Variants in CACNA1A observed in about 807,000 individuals in gnomAD.
CACNA1A encodes calcium voltage-gated channel subunit alpha1 A, also known as voltage-dependent P/Q-type calcium channel subunit alpha-1A.
CACNA1A carries 57 observed loss-of-function variants against 262.4 expected under a neutral mutation model. The observed-to-expected ratio is 0.22, with a 90% CI of 0.18 to 0.27. The LOEUF (loss-of-function observed/expected upper bound fraction) is 0.27, where lower values mean the gene tolerates loss of function less well. Among genes scored for constraint, CACNA1A ranks in the 10% least tolerant of loss-of-function variants. The probability of loss-of-function intolerance (pLI) is 1.00; values close to 1 mark genes in which losing one functional copy is unlikely to be tolerated. For synonymous variants in CACNA1A, 1,431 were observed against 1,419.3 expected, an observed-to-expected ratio of 1.01 and a Z score of -0.18; for missense variants, 2,526 against 3,562.8, an observed-to-expected ratio of 0.71 and a Z score of 7.41.
chr19:13,378,654 A>G (rs2059458480), intron 3 of CACNA1A, among the ~76,000 whole-genome samples: 1 of 149,084 alleles, frequency 6.7e-6, no homozygotes, highest in African/African-American at 2.6e-5. Flanking sequence ...ACATTTATTT[A>G]TTTATTTATT....
intron 37 of CACNA1A, 159 bp downstream of exon 37, chr19:13,227,272 A>C: frequency 1.2e-5 from 5 of 413,906 alleles, no homozygotes; most frequent in Non-Finnish European, 9.0e-6. Context: ...TGATCAGTTG[A>C]CTCGAGAAAA....
intron 6 of CACNA1A, among the ~76,000 whole-genome samples, chr19:13,336,626 A>G (rs1038847215): frequency 1.3e-5 from 2 of 148,328 alleles, no homozygotes; most frequent in African/African-American, 2.4e-5. Context: ...AGAGAGAGAG[A>G]GAGAGAGAGA....
chr19:13,211,958 G>C, intron 43 of CACNA1A, 145 bp downstream of exon 43: 1 of 612,610 alleles, frequency 1.6e-6, no homozygotes, highest in Non-Finnish European at 2.9e-6. Flanking sequence ...GGTGGGGCCT[G>C]CAGACTGCTT....
intron 1 of CACNA1A, among the ~76,000 whole-genome samples, chr19:13,504,213 A>C (rs1460109660): frequency 6.6e-6 from 1 of 152,132 alleles, no homozygotes; most frequent in East Asian, 1.9e-4. Context: ...AGAGTAATCA[A>C]GCCACCCCTG....
intron 1 of CACNA1A, among the ~76,000 whole-genome samples, chr19:13,481,127 C>T (rs550340035): frequency 1.3e-5 from 2 of 152,248 alleles, no homozygotes; most frequent in African/African-American, 4.8e-5. Flanking sequence ...TTGATGCAAG[C>T]GAGGTGCCTG....
intron 3 of CACNA1A, among the ~76,000 whole-genome samples, chr19:13,440,052 T>C (rs907385037): frequency 6.6e-6 from 1 of 152,074 alleles, no homozygotes; most frequent in Admixed American, 6.5e-5. Flanking sequence ...CTTGACCTCC[T>C]GGGCTCAAGC....
intron 1 of CACNA1A, among the ~76,000 whole-genome samples, chr19:13,468,929 T>C (rs1415698317): frequency 1.3e-5 from 2 of 152,066 alleles, no homozygotes; most frequent in East Asian, 1.9e-4. Context: ...ATGTCCACCA[T>C]CATGGCCCCC....
At chr19:13,389,895 C>T (rs1298743325) in intron 3 of CACNA1A, among the ~76,000 whole-genome samples, 5 of 152,160 alleles carry the variant, frequency 3.3e-5, no homozygotes, top group Admixed American at 3.3e-4. Context: ...TCACTGCAAC[C>T]TCTGCTTCCC....
At chr19:13,413,947 A>AAAGAAAGAAAGAAAGAAAG (rs2060176578) in intron 3 of CACNA1A, among the ~76,000 whole-genome samples, 2 of 126,452 alleles carry the variant, frequency 1.6e-5, no homozygotes, top group Non-Finnish European at 3.3e-5. Flanking sequence ...AAGAAAGAAA[A>AAAGAAAGAAAGAAAGAAAG]GGAAGGCAAG....
chr19:13,216,657 A>G (rs1444935433), intron 38 of CACNA1A, among the ~76,000 whole-genome samples: 4 of 4,214 alleles, frequency 9.5e-4, no homozygotes, highest in African/African-American at 6.6e-3. Context: ...TTATCTATCT[A>G]TCTATCTATC....
intron 30 of CACNA1A, among the ~76,000 whole-genome samples, chr19:13,251,059 G>C (rs546651406): frequency 6.6e-6 from 1 of 151,720 alleles, no homozygotes; most frequent in African/African-American, 2.4e-5. Flanking sequence ...TTGAACCCAG[G>C]AGGTGGAGGT....
intron 6 of CACNA1A, among the ~76,000 whole-genome samples, chr19:13,342,508 C>G (rs1159922847): frequency 2.0e-5 from 3 of 152,192 alleles, no homozygotes; most frequent in Non-Finnish European, 4.4e-5. Context: ...GGCTCAAAGA[C>G]TTCCACTGCC....
chr19:13,207,096 G>C lies in CACNA1A; in HGVS notation c.*217C>G. 1 of 423,830 alleles carries C rather than the reference G, an allele frequency of 2.4e-6. No homozygotes were observed. Among genetic ancestry groups the C allele is most frequent in the South Asian group, 3.6e-5 (1 of 27,972 alleles). The allele number at this position is 423,830 out of a possible 1,614,324, so 26.3% of individuals were successfully genotyped here. A position where few individuals can be genotyped will look rare whatever the true frequency, so the allele number is the denominator to read the frequency against. The stretch of plus-strand genomic sequence containing the variant: ...GTGGGTGGGGGGATCGGGGCTGGTT[G>C]GGGGGCGCCGTGGCTGCCCAGGAGG... On this transcript the variant is annotated 3_prime_UTR_variant, in exon 47 of 47. Transcript: ENST00000360228. The surrounding 1 kb of genome is among the most constrained non-coding windows in gnomAD (Gnocchi z 5.7).
intron 3 of CACNA1A, among the ~76,000 whole-genome samples, chr19:13,382,694 T>C (rs1032466531): frequency 3.3e-5 from 5 of 152,076 alleles, no homozygotes; most frequent in African/African-American, 1.2e-4. Flanking sequence ...TTGGTGGTGA[T>C]GGAGCAGAAG....
rs766661019 is a variant in CACNA1A at position 13,209,375 on chromosome 19, G to A, written c.6463C>T (p.Arg2155Cys). ...GAGGCGCGGTGGCTGCGGTCGCGGC[G>A]CCGCTGGTGGTGCCGCTGGTTCTCC... ...PEENQRHHQR[R>C]RDRSHRASER... is the part of the protein sequence containing the mutation. The change falls in exon 45 of 47, where the codon CGC becomes TGC. Residue 2155 changes from arginine to cysteine, a missense_variant. Physicochemically the swap from Arg to Cys is radical, Grantham distance 180 (BLOSUM62 -3). Around this residue, in one of 17 missense-constraint regions of CACNA1A, gnomAD observed 929 missense variants for 868.1 expected, o/e 1.07. Coordinates refer to ENST00000360228, the MANE Select transcript of CACNA1A (RefSeq NM_001127222.2). 19 of 1,395,714 alleles carry A rather than the reference G, an allele frequency of 1.4e-5. No individual in the cohort carries two copies. The highest frequency in any genetic ancestry group is 4.1e-4 in the Middle Eastern group (2 of 4,826). The allele number at this position is 1,395,714 out of a possible 1,614,324, so 86.5% of individuals were successfully genotyped here.
At chr19:13,267,521 C>T (rs1049494287) in intron 24 of CACNA1A, among the ~76,000 whole-genome samples, 8 of 152,130 alleles carry the variant, frequency 5.3e-5, no homozygotes, top group Non-Finnish European at 7.3e-5. Context: ...TGCCAAGAGC[C>T]GGAGAAACCC....
chr19:13,431,033 T>G, intron 3 of CACNA1A, among the ~76,000 whole-genome samples: 2 of 148,376 alleles, frequency 1.3e-5, no homozygotes, highest in East Asian at 2.0e-4. Context: ...GCCGAGTGAG[T>G]GGAGAGGAGA....
intron 1 of CACNA1A, among the ~76,000 whole-genome samples, chr19:13,492,716 T>C (rs1480575886): frequency 1.3e-5 from 2 of 152,262 alleles, no homozygotes; most frequent in Non-Finnish European, 2.9e-5. Flanking sequence ...GGTTATTCCA[T>C]TTCCTTTGGA....
chr19:13,418,540 G>A (rs1033175276), intron 3 of CACNA1A, among the ~76,000 whole-genome samples: 10 of 152,112 alleles, frequency 6.6e-5, no homozygotes, highest in African/African-American at 1.7e-4. Flanking sequence ...GGGCCTAAAT[G>A]CAGTCATATG....
Sources: allele counts gnomAD v4.1 joint callset (sites outside exome capture counted in the v4.1 genomes callset), GRCh38; gene constraint gnomAD v4.1.1; regional missense constraint gnomAD v4.1.1; non-coding constraint Gnocchi (gnomAD v3.1); transcripts MANE v1.5; gene names NCBI Gene and HGNC (gene_info 2026-07-23, HGNC 2026-07-21).